CASTOR2: variants seen among roughly 807,000 people sequenced by gnomAD.
CASTOR2 encodes the protein cytosolic arginine sensor for mTORC1 subunit 2.
CASTOR2 carries 8 observed loss-of-function variants against 31.2 expected under a neutral mutation model. That is an observed-to-expected ratio of 0.26 (90% confidence interval 0.15 to 0.46). CASTOR2 has a LOEUF of 0.46. Ranked by LOEUF, CASTOR2 falls within the 20% of genes least tolerant of loss-of-function variation. CASTOR2 has a pLI of 0.99. For synonymous variants in CASTOR2, 162 were observed against 158.7 expected (o/e 1.02, Z -0.16); for missense variants, 216 against 382.1 (o/e 0.57, Z 3.62).
At chr7:75,009,887 T>A (rs1804698907) in intron 2 of CASTOR2, among the ~76,000 whole-genome samples, 1 of 149,416 alleles carries the variant, frequency 6.7e-6, no homozygotes, top group East Asian at 2.0e-4. Flanking sequence ...GCACTTAATT[T>A]TTTTTTTTTT....
At position 74,987,843 on chromosome 7, in the gene CASTOR2, G is replaced by A. The variant is rs1554436890; in HGVS notation, c.114-20151G>A. ...CCCACCTCAGCCTCCTGAGTAGCTG[G>A]GATTATAGACACGCACCACACAGCT... is the stretch of plus-strand genomic sequence containing the variant. On this transcript the variant is annotated intron_variant, in intron 1 of 8. Transcript: ENST00000616305. Among the ~76,000 whole-genome samples the A allele has an allele frequency of 5.3e-5, 8 of 151,866 alleles. No homozygotes were observed. In the South Asian group the frequency reaches 1.7e-3, roughly 32 times the overall value.
Position 75,031,121 on chromosome 7 carries a change from T to C in CASTOR2, c.*6422T>C, listed in dbSNP as rs1189451198. 3.9e-5 allele frequency among the ~76,000 whole-genome samples: 6 copies of C among 152,148 alleles called. No individual in the cohort carries two copies. The highest frequency in any genetic ancestry group is 8.8e-5 in the Non-Finnish European group (6 of 68,018). On this transcript the variant is annotated 3_prime_UTR_variant, in exon 9 of 9. Transcript: ENST00000616305. ...TAAAAGAGTAGGGAGCTGATAACAG[T>C]CCCAAGCCCTCCTCTTTCTCTATGC... is the stretch of plus-strand genomic sequence containing the variant.
At chr7:74,988,199 G>C (rs1402561887) in intron 1 of CASTOR2, among the ~76,000 whole-genome samples, 1 of 124,410 alleles carries the variant, frequency 8.0e-6, no homozygotes, top group African/African-American at 2.6e-5. Context: ...GTGCCATCTC[G>C]GATCACTGCA....
intron 1 of CASTOR2, among the ~76,000 whole-genome samples, chr7:74,996,640 G>A (rs1804353684): frequency 6.8e-6 from 1 of 146,662 alleles, no homozygotes; most frequent in Admixed American, 6.9e-5. Flanking sequence ...GACCAGGGAA[G>A]TGTCGTGCCA....
intron 1 of CASTOR2, among the ~76,000 whole-genome samples, chr7:74,994,623 G>A (rs1263788135): frequency 7.9e-5 from 12 of 152,016 alleles, no homozygotes; most frequent in Non-Finnish European, 1.6e-4. Context: ...GGTGGCAGGC[G>A]CCTGTAATCC....
chr7:75,015,412 G>A (rs1358380922), intron 2 of CASTOR2, among the ~76,000 whole-genome samples: 1 of 152,254 alleles, frequency 6.6e-6, no homozygotes, highest in African/African-American at 2.4e-5. Context: ...TGGGACCACA[G>A]GCATGTGCCA....
In CASTOR2 at chr7:75,018,985, C is replaced by T. The variant is rs1439595478; in HGVS notation, c.525C>T (p.Val175=). ...GTGCTCTTACAGTCCAGAGGCCAGT[C>T]ATCCACCCACTGTCCAGCCCGAGCA... ...FVKPKLVQRP[V]IHPLSSPSNR... Residue 175 remains valine (V), a synonymous_variant, in exon 5 of 9, where the codon GTC becomes GTT. Transcript: ENST00000616305. 11 of 1,551,900 alleles carry T rather than the reference C, an allele frequency of 7.1e-6. No homozygotes were observed. The highest frequency in any genetic ancestry group is 9.6e-6 in the Non-Finnish European group (11 of 1,147,078).
intron 1 of CASTOR2, among the ~76,000 whole-genome samples, chr7:74,967,537 T>C (rs1803593203): frequency 6.6e-5 from 1 of 15,056 alleles, no homozygotes; most frequent in Admixed American, 1.2e-3. Context: ...ACCTGTTTAC[T>C]TTTTTTTTTT....
chr7:75,003,303 G>A (rs1442409984), intron 1 of CASTOR2, among the ~76,000 whole-genome samples: 4 of 152,136 alleles, frequency 2.6e-5, no homozygotes, highest in East Asian at 1.9e-4. Flanking sequence ...AAAATTAGCC[G>A]GCTGGGCTTG....
chr7:75,012,020 G>A (rs1311662506), intron 2 of CASTOR2, among the ~76,000 whole-genome samples: 1 of 151,950 alleles, frequency 6.6e-6, no homozygotes, highest in Non-Finnish European at 1.5e-5. Flanking sequence ...AAGCGAGAAA[G>A]CAAGCAGACA....
At chr7:74,973,242 T>C (rs1196486698) in intron 1 of CASTOR2, among the ~76,000 whole-genome samples, 1 of 150,688 alleles carries the variant, frequency 6.6e-6, no homozygotes, top group Non-Finnish European at 1.5e-5. Context: ...ATGATGATCA[T>C]GCCTGTAACC....
chr7:75,000,882 C>T (rs1231823978), intron 1 of CASTOR2, among the ~76,000 whole-genome samples: 6 of 152,000 alleles, frequency 3.9e-5, no homozygotes, highest in Non-Finnish European at 7.4e-5. Context: ...AGGCTGGTCT[C>T]GAACTCCTGA....
At chr7:75,020,982 AT>A (rs1157880718) in intron 6 of CASTOR2, among the ~76,000 whole-genome samples, 1 of 148,872 alleles carries the variant, frequency 6.7e-6, no homozygotes, top group Non-Finnish European at 1.5e-5. Context: ...TTTTTATTTT[AT>A]TTTTTTTTAA....
At chr7:74,999,823 C>G (rs1400125995) in intron 1 of CASTOR2, among the ~76,000 whole-genome samples, 3 of 151,802 alleles carry the variant, frequency 2.0e-5, no homozygotes, top group Admixed American at 6.6e-5. Flanking sequence ...TCACCTTGTC[C>G]CGGATGGTCT....
chr7:75,012,858 C>T (rs1397473113), intron 2 of CASTOR2, among the ~76,000 whole-genome samples: 15 of 151,812 alleles, frequency 9.9e-5, no homozygotes, highest in Admixed American at 2.6e-4. Flanking sequence ...AGGCTGGTCT[C>T]GAACTCCTGA....
intron 1 of CASTOR2, among the ~76,000 whole-genome samples, chr7:74,973,317 TAG>T (rs1173228184): frequency 6.8e-6 from 1 of 146,972 alleles, no homozygotes; most frequent in African/African-American, 2.5e-5. Flanking sequence ...TCTGGTCCAC[TAG>T]AAGCTCCAGT....
At chr7:74,985,598 A>G (rs1229373519) in intron 1 of CASTOR2, among the ~76,000 whole-genome samples, 5 of 150,742 alleles carry the variant, frequency 3.3e-5, no homozygotes, top group Non-Finnish European at 7.4e-5. Context: ...AAAAAAAAAA[A>G]AAAAAAAAAA....
rs1302615620 is a variant in CASTOR2, at chr7:75,018,079, C to T, written c.468C>T (p.Ala156=). The part of the protein sequence containing the change: ...LRVVNGETVA[A]ENLGITNGFV... ...TCGTCAATGGCGAGACCGTGGCAGC[C>T]GAGAACCTCGGCATCACCAATGGCT... Residue 156 remains alanine (A), a synonymous_variant, in exon 4 of 9, where the codon GCC becomes GCT. Coordinates refer to ENST00000616305, the MANE Select transcript of CASTOR2 (RefSeq NM_001145064.3). The T allele has an allele frequency of 5.1e-5, 82 of 1,614,134 alleles. No individual in the cohort carries two copies. In the Middle Eastern group the frequency reaches 8.2e-4, roughly 16 times the overall value.
At chr7:75,024,070 T>C (rs1805068490) in intron 7 of CASTOR2, among the ~76,000 whole-genome samples, 1 of 152,012 alleles carries the variant, frequency 6.6e-6, no homozygotes, top group African/African-American at 2.4e-5. Flanking sequence ...GGTGGATCAT[T>C]TGAGTACAGC....
Sources: gnomAD v4.1 joint callset for allele counts (sites outside exome capture counted in the v4.1 genomes callset) on GRCh38, gnomAD v4.1.1 for gene constraint, MANE v1.5 for transcripts, NCBI Gene and HGNC (gene_info 2026-07-23, HGNC 2026-07-21) for gene names.